Variants in ADGRL2 observed in about 807,000 individuals in gnomAD.
ADGRL2 encodes calcium-independent alpha-latrotoxin receptor 2.
A neutral mutation model predicts 157.4 loss-of-function variants in ADGRL2; 44 were observed. The ratio of observed to expected loss-of-function variants is 0.28; its 90% CI spans 0.22 to 0.36. The LOEUF is 0.36. ADGRL2 is among the 10% of genes least tolerant of loss of function. ADGRL2 has a pLI of 1.00. For missense variants in ADGRL2, 1,510 were observed against 1,768.9 expected, an observed-to-expected ratio of 0.85 and a Z score of 2.63; for synonymous variants, 585 against 624.7, an observed-to-expected ratio of 0.94 and a Z score of 0.95.
chr1:81,796,762 T>C (rs1448142703), upstream of ADGRL2, among the ~76,000 whole-genome samples: 2 of 152,234 alleles, frequency 1.3e-5, no homozygotes, highest in Non-Finnish European at 2.9e-5. Context: ...TTCGTGATTA[T>C]ATACTTCTAA....
chr1:81,777,983 T>C (rs1189984538), intron 2 of ADGRL2, among the ~76,000 whole-genome samples: 1 of 152,070 alleles, frequency 6.6e-6, no homozygotes, highest in Non-Finnish European at 1.5e-5. Flanking sequence ...TCATTAACAT[T>C]GCCATTGGGT....
At chr1:81,673,731 A>C (rs540774260) in intron 3 of ADGRL2, among the ~76,000 whole-genome samples, 1 of 152,000 alleles carries the variant, frequency 6.6e-6, no homozygotes, top group Non-Finnish European at 1.5e-5. Flanking sequence ...GTTAGCCAGG[A>C]TGGTCTCGAT....
intron 3 of ADGRL2, among the ~76,000 whole-genome samples, chr1:81,662,596 C>A (rs543715928): frequency 6.6e-6 from 1 of 151,210 alleles, no homozygotes; most frequent in East Asian, 2.0e-4. Flanking sequence ...GCTCTGTCGC[C>A]CAGGCTAGAG....
intron 1 of ADGRL2, among the ~76,000 whole-genome samples, chr1:81,724,339 A>G (rs1316451995): frequency 1.3e-5 from 2 of 152,178 alleles, no homozygotes; most frequent in African/African-American, 2.4e-5. Flanking sequence ...TGTAGTATTC[A>G]TATTTGTATT....
chr1:81,874,997 G>A (rs79345931), intron 2 of ADGRL2, among the ~76,000 whole-genome samples: 12 of 152,146 alleles, frequency 7.9e-5, no homozygotes, highest in Admixed American at 2.0e-4. Flanking sequence ...ATGAGCCATC[G>A]AACCTGACCT....
At chr1:81,516,877 G>A (rs552333621) in intron 2 of ADGRL2, among the ~76,000 whole-genome samples, 1 of 151,772 alleles carries the variant, frequency 6.6e-6, no homozygotes, top group Non-Finnish European at 1.5e-5. Flanking sequence ...GTCCCCCTCT[G>A]TTGGGTGCTT....
chr1:81,517,554 G>C (rs1178230900), intron 2 of ADGRL2, among the ~76,000 whole-genome samples: 1 of 150,868 alleles, frequency 6.6e-6, no homozygotes. Context: ...ACATATGGCT[G>C]CTGCCACTGC....
intron 2 of ADGRL2, among the ~76,000 whole-genome samples, chr1:81,565,357 A>G (rs922658296): frequency 2.0e-5 from 3 of 152,214 alleles, no homozygotes; most frequent in Admixed American, 1.3e-4. Context: ...CTATTTCACT[A>G]TCTTATTAGA....
At chr1:81,327,210 G>A (rs1660963956) in intron 1 of ADGRL2, among the ~76,000 whole-genome samples, 2 of 152,278 alleles carry the variant, frequency 1.3e-5, no homozygotes, top group South Asian at 4.1e-4. Flanking sequence ...ATCAAATCCA[G>A]ACTGCAGAGC....
chr1:81,617,326 A>G (rs2081680577), intron 3 of ADGRL2, among the ~76,000 whole-genome samples: 1 of 152,132 alleles, frequency 6.6e-6, no homozygotes, highest in Non-Finnish European at 1.5e-5. Flanking sequence ...TCGCAAAACT[A>G]TCCTCCCCAC....
rs757583336 is a variant in ADGRL2, at chr1:81,687,389, A to G, written c.-142-74422A>G. Among the ~76,000 whole-genome samples the G allele has an allele frequency of 3.9e-5, 6 of 152,334 alleles. No homozygotes were observed. In the South Asian group the frequency reaches 1.0e-3, roughly 26 times the overall value. On this transcript the variant is annotated intron_variant, in intron 3 of 24. Coordinates refer to the ADGRL2 transcript ENST00000370721. ...GTTGGACAAGGCCTTTTAGCATTAT[A>G]TAATGTCTCTCTTTGTCTCTTTTAA... is the stretch of plus-strand genomic sequence containing the variant.
chr1:81,747,700 T>TG (rs2085345454), intron 1 of ADGRL2, among the ~76,000 whole-genome samples: 1 of 94,784 alleles, frequency 1.1e-5, no homozygotes, highest in Non-Finnish European at 2.1e-5. Flanking sequence ...TCCTTTAATG[T>TG]TTGTGTGTGT....
chr1:81,405,669 T>C (rs2076841047), intron 1 of ADGRL2, among the ~76,000 whole-genome samples: 1 of 151,636 alleles, frequency 6.6e-6, no homozygotes, highest in South Asian at 2.1e-4. Flanking sequence ...AAAATACTAT[T>C]TCATATATTG....
chr1:81,879,998 A>G (rs950989823), intron 2 of ADGRL2, among the ~76,000 whole-genome samples: 1 of 152,160 alleles, frequency 6.6e-6, no homozygotes, highest in African/African-American at 2.4e-5. Flanking sequence ...CTGTGCTCCA[A>G]TCTAGGCGAT....
At chr1:81,347,651 A>G (rs931656333) in intron 1 of ADGRL2, among the ~76,000 whole-genome samples, 1 of 152,186 alleles carries the variant, frequency 6.6e-6, no homozygotes, top group Non-Finnish European at 1.5e-5. Flanking sequence ...ATCAAAAAGG[A>G]ATCAGAACTT....
At chr1:81,909,292 T>C (rs531828178) in intron 3 of ADGRL2, among the ~76,000 whole-genome samples, 4 of 152,286 alleles carry the variant, frequency 2.6e-5, no homozygotes, top group Admixed American at 6.5e-5. Flanking sequence ...TCCTTCATCA[T>C]ATATCTCTTT....
At chr1:81,753,326 C>T (rs1468781806) in intron 1 of ADGRL2, among the ~76,000 whole-genome samples, 1 of 152,128 alleles carries the variant, frequency 6.6e-6, no homozygotes, top group Non-Finnish European at 1.5e-5. Context: ...GTTTTTAAAA[C>T]CAACAGATCT....
intron 1 of ADGRL2, among the ~76,000 whole-genome samples, chr1:81,725,390 T>A (rs2084487687): frequency 6.6e-6 from 1 of 151,258 alleles, no homozygotes; most frequent in Non-Finnish European, 1.5e-5. Flanking sequence ...ATACAAAAAA[T>A]TAGCTGGGCG....
intron 3 of ADGRL2, chr1:81,586,055 A>G (rs1404596984): frequency 6.6e-6 from 1 of 152,070 alleles, no homozygotes; most frequent in Non-Finnish European, 1.5e-5. Context: ...ACCTTTTTTT[A>G]ATACCAGCTA....
Sources: allele counts gnomAD v4.1 joint callset (sites outside exome capture counted in the v4.1 genomes callset), GRCh38; gene constraint gnomAD v4.1.1; transcripts MANE v1.5; gene names NCBI Gene and HGNC (gene_info 2026-07-23, HGNC 2026-07-21).